Variants in PCDHA5 observed in about 807,000 individuals in gnomAD.
The protein encoded by PCDHA5 is protocadherin alpha 5.
A neutral mutation model predicts 61.6 loss-of-function variants in PCDHA5; 43 were observed. The observed-to-expected ratio is 0.70, with a 90% confidence interval of 0.55 to 0.90. The LOEUF is 0.90. Among genes scored for constraint, PCDHA5 ranks in the 40% least tolerant of loss-of-function variants. The probability of loss-of-function intolerance (pLI) is 0.00; values close to 1 mark genes in which losing one functional copy is unlikely to be tolerated. For missense variants in PCDHA5, 1,298 were observed against 1,222.7 expected, an observed-to-expected ratio of 1.06 and a Z score of -0.92; for synonymous variants, 627 against 543.9, an observed-to-expected ratio of 1.15 and a Z score of -2.13.
intron 1 of PCDHA5, among the ~76,000 whole-genome samples, chr5:140,962,725 T>C (rs536695569): frequency 3.2e-4 from 48 of 152,210 alleles, no homozygotes; most frequent in Non-Finnish European, 5.9e-4. Flanking sequence ...AGTATTTTCC[T>C]TCTGGGGATG....
In PCDHA5 at chr5:140,822,267, T is replaced by G. The variant is rs1554128545; in HGVS notation, c.492T>G (p.Asn164Lys). 3 of 1,614,132 alleles carry G rather than the reference T, an allele frequency of 1.9e-6. No homozygotes were observed. The highest frequency in any genetic ancestry group is 1.3e-5 in the African/African-American group (1 of 74,952). Residue 164 changes from asparagine (N) to lysine (K), a missense_variant, in exon 1 of 4, where the codon AAT (asparagine) becomes AAG (lysine). Coordinates refer to ENST00000529859, the MANE Select transcript of PCDHA5 (RefSeq NM_018908.3). ...EGASDLDIGANAQLRYRLNPN... is the reference protein window; with the variant it reads ...EGASDLDIGAKAQLRYRLNPN... ...CGTCGGATTTGGATATTGGAGCAAATGCACAATTGAGATACAGGTTAAATC... is the reference window on the plus strand; with the variant it reads ...CGTCGGATTTGGATATTGGAGCAAAGGCACAATTGAGATACAGGTTAAATC...
At chr5:140,878,264 T>G (rs577205816) in intron 1 of PCDHA5, among the ~76,000 whole-genome samples, 83 of 152,314 alleles carry the variant, frequency 5.4e-4, no homozygotes, top group African/African-American at 1.9e-3. Flanking sequence ...TGCTTAGGCT[T>G]TTAAAATAGC....
intron 1 of PCDHA5, chr5:140,856,230 G>C (rs17844339): frequency 1.3e-6 from 2 of 1,597,950 alleles, no homozygotes; most frequent in African/African-American, 1.3e-5. Flanking sequence ...CTGGTGCAGC[G>C]CCTGTTCCGG....
At chr5:140,871,450 G>C (rs781785142) in intron 1 of PCDHA5, 1 of 1,608,836 alleles carries the variant, frequency 6.2e-7, no homozygotes, top group Non-Finnish European at 8.5e-7. Flanking sequence ...GAATAAAGAG[G>C]AGGAAGGGGA....
chr5:140,990,535 A>T (rs1450949471), intron 3 of PCDHA5, among the ~76,000 whole-genome samples: 1 of 152,182 alleles, frequency 6.6e-6, no homozygotes, highest in African/African-American at 2.4e-5. Context: ...ACTGTGCATC[A>T]TAGATACTGT....
At chr5:140,951,986 C>A (rs2094668313) in intron 1 of PCDHA5, among the ~76,000 whole-genome samples, 2 of 152,166 alleles carry the variant, frequency 1.3e-5, no homozygotes, top group African/African-American at 4.8e-5. Flanking sequence ...AAGGGAAAAA[C>A]CAGCCAAAAG....
Position 140,882,649 on chromosome 5 carries a change from C to T in PCDHA5, c.2352+58522C>T, listed in dbSNP as rs559940161. On this transcript the variant is annotated intron_variant, in intron 1 of 3. Transcript: ENST00000529859. ...TGGAGGTGAAGGTGAGGGACATTAA[C>T]GACAACCCGCCCATATTCCCTGAAA... The T allele has an allele frequency of 6.2e-6, 10 of 1,614,214 alleles. No individual in the cohort carries two copies. In the African/African-American group the frequency reaches 1.1e-4, roughly 17 times the overall value.
intron 1 of PCDHA5, chr5:140,870,870 G>A: frequency 6.2e-7 from 1 of 1,613,948 alleles, no homozygotes; most frequent in Non-Finnish European, 8.5e-7. Flanking sequence ...CGGGCCACGT[G>A]GTGGCGAAGG....
rs199940622 is a variant in PCDHA5, at chr5:140,870,517, C to T, written c.2352+46390C>T. ...GAAGGAGAACAACCCACCAGGCTGCCACATCTTCACAGTGTCGGCGCGGGA... is the reference window on the plus strand; with the variant it reads ...GAAGGAGAACAACCCACCAGGCTGCTACATCTTCACAGTGTCGGCGCGGGA... On this transcript the variant is annotated intron_variant, in intron 1 of 3. Coordinates refer to ENST00000529859, the MANE Select transcript of PCDHA5 (RefSeq NM_018908.3). The T allele has an allele frequency of 6.8e-6, 11 of 1,614,224 alleles. No homozygotes were observed. Among genetic ancestry groups the T allele is most frequent in the Non-Finnish European group, 9.3e-6 (11 of 1,180,048 alleles).
chr5:140,879,761 G>A (rs2058106657), intron 1 of PCDHA5, among the ~76,000 whole-genome samples: 1 of 152,152 alleles, frequency 6.6e-6, no homozygotes, highest in South Asian at 2.1e-4. Flanking sequence ...TACTCTCTTT[G>A]GAGGCCCCAG....
chr5:140,969,823 T>C (rs782195981), intron 1 of PCDHA5, among the ~76,000 whole-genome samples: 3 of 152,248 alleles, frequency 2.0e-5, no homozygotes, highest in Non-Finnish European at 4.4e-5. Context: ...CTCTGGACTG[T>C]CTACAGTGGA....
intron 1 of PCDHA5, chr5:140,828,540 C>G: frequency 6.2e-7 from 1 of 1,614,252 alleles, no homozygotes; most frequent in Non-Finnish European, 8.5e-7. Flanking sequence ...CTGCCAGATT[C>G]TGTGTTTCCA....
chr5:140,834,545 G>T (rs2150220681), intron 1 of PCDHA5: 1 of 1,614,088 alleles, frequency 6.2e-7, no homozygotes, highest in South Asian at 1.1e-5. Flanking sequence ...ACCTGGGGCT[G>T]GAGCTGGCGG....
intron 1 of PCDHA5, among the ~76,000 whole-genome samples, chr5:140,961,479 C>A (rs2095615905): frequency 6.6e-6 from 1 of 152,108 alleles, no homozygotes; most frequent in Admixed American, 6.6e-5. Context: ...TTTGTCTTGT[C>A]CACGTGAGTA....
chr5:140,868,946 G>C, intron 1 of PCDHA5: 1 of 1,292,216 alleles, frequency 7.7e-7, no homozygotes, highest in Non-Finnish European at 1.1e-6. Flanking sequence ...TCTGAACAGT[G>C]AGGCACTCCC....
At chr5:140,919,387 G>A (rs180927321) in intron 1 of PCDHA5, among the ~76,000 whole-genome samples, 420 of 152,292 alleles carry the variant, frequency 2.8e-3, no homozygotes, top group Middle Eastern at 6.8e-3. Context: ...ATAGTTGGAT[G>A]TTGTTTTCCT....
At chr5:140,965,403 T>G (rs1241477329) in intron 1 of PCDHA5, among the ~76,000 whole-genome samples, 1 of 151,946 alleles carries the variant, frequency 6.6e-6, no homozygotes, top group Admixed American at 6.6e-5. Flanking sequence ...GTCTAAGGAG[T>G]CTTATATTTA....
intron 1 of PCDHA5, chr5:140,857,917 G>A: frequency 6.3e-7 from 1 of 1,597,868 alleles, no homozygotes; most frequent in South Asian, 1.1e-5. Context: ...CGTTTCGCGT[G>A]GGGCTGTACA....
At position 140,966,710 on chromosome 5, in the gene PCDHA5, G is replaced by T. The variant is rs552888876; in HGVS notation, c.2353-12239G>T. The T allele has an allele frequency of 2.9e-6, 4 of 1,391,664 alleles. No individual in the cohort carries two copies. In the South Asian group the frequency reaches 6.5e-5, roughly 23 times the overall value. The allele number at this position is 1,391,664 out of a possible 1,614,324, so 86.2% of individuals were successfully genotyped here. A position where few individuals can be genotyped will look rare whatever the true frequency, so the allele number is the denominator to read the frequency against. On this transcript the variant is annotated intron_variant, in intron 1 of 3. Transcript: ENST00000529859. ...AGGCGGGGCCCGGGCGTGGGGCACG[G>T]CTGGGGAAGCTGCCGCCTCCGGCCC...
Sources: allele counts gnomAD v4.1 joint callset (sites outside exome capture counted in the v4.1 genomes callset), GRCh38; gene constraint gnomAD v4.1.1; transcripts MANE v1.5; gene names NCBI Gene and HGNC (gene_info 2026-07-23, HGNC 2026-07-21).